The following TOM1 variants were observed in gnomAD, a reference collection of about 807,000 sequenced individuals.
The protein encoded by TOM1 is target of myb1 membrane trafficking protein.
A neutral mutation model predicts 61.3 loss-of-function variants in TOM1; 38 were observed. That is an observed-to-expected ratio of 0.62 (90% CI 0.48 to 0.81). The LOEUF is 0.81. Among genes scored for constraint, TOM1 ranks in the 40% least tolerant of loss-of-function variants. The probability of loss-of-function intolerance (pLI) is 0.00; values close to 1 mark genes in which losing one functional copy is unlikely to be tolerated. For missense variants in TOM1, 591 were observed against 659.6 expected, an observed-to-expected ratio of 0.90 and a Z score of 1.14; for synonymous variants, 270 against 268.8, an observed-to-expected ratio of 1.00 and a Z score of -0.04.
At chr22:35,317,230 CGTT>C (rs766089484) in intron 1 of TOM1, among the ~76,000 whole-genome samples, 14 of 152,134 alleles carry the variant, frequency 9.2e-5, no homozygotes, top group Middle Eastern at 3.2e-3. Flanking sequence ...GTTTCGCTCT[CGTT>C]GTCCAGGCTG....
At chr22:35,343,918 CCA>C (rs1183874016) in intron 12 of TOM1, among the ~76,000 whole-genome samples, 2 of 150,382 alleles carry the variant, frequency 1.3e-5, no homozygotes, top group African/African-American at 2.4e-5. Flanking sequence ...CCTACACACA[CCA>C]CACACATCTA....
At chr22:35,322,454 C>G in intron 3 of TOM1, 1 of 209,228 alleles carries the variant, frequency 4.8e-6, no homozygotes, top group Non-Finnish European at 9.6e-6. Context: ...GCCCACACCA[C>G]TGAACCAGCC....
Position 35,343,304 on chromosome 22 carries a change from A to AG in TOM1, c.1225-2421_1225-2420insG, listed in dbSNP as rs1930102833. The stretch of plus-strand genomic sequence containing the variant: ...CTACACACACAGCCCTACACACCAC[A>AG]CCTACACACCCATACACCTACACAC... On this transcript the variant is annotated intron_variant, in intron 12 of 14. Transcript: ENST00000449058. Among the ~76,000 whole-genome samples the AG allele has an allele frequency of 1.1e-4, 16 of 143,662 alleles. 1 individual carries two copies. The highest frequency in any genetic ancestry group is 3.7e-4 in the African/African-American group (14 of 37,938). 94.2% of individuals were successfully genotyped at this position (143,662 alleles called of 152,430 possible).
At position 35,338,734 on chromosome 22, in the gene TOM1, A is replaced by G. The variant is rs780345630; in HGVS notation, c.1170A>G (p.Gln390=). 1.5e-5 allele frequency: 24 copies of G among 1,597,424 alleles called. No individual in the cohort carries two copies. Among genetic ancestry groups the G allele is most frequent in the Non-Finnish European group, 1.9e-5 (22 of 1,172,870 alleles). Residue 390 remains glutamine (Q), a synonymous_variant, in exon 12 of 15, where the codon CAA becomes CAG. Transcript: ENST00000449058. ...TCAGGGTAAAATACGAAGCCCCCCA[A>G]GCAACAGACGGCCTGGCTGGAGCCC... The part of the protein sequence containing the change: ...QRKEVKYEAP[Q]ATDGLAGALD...
rs767589256 is a variant in TOM1, at chr22:35,333,480, C to T, written c.1010C>T (p.Ser337Phe). The part of the protein sequence containing the change: ...PDPAATGNLS[S>F]QLAGMNLGSS... ...CCAGCAGCCACCGGCAACCTCTCAT[C>T]CCAGCTGGCAGGAATGAGTAAGTGT... is the stretch of plus-strand genomic sequence containing the variant. Residue 337 changes from serine (S) to phenylalanine (F), a missense_variant, in exon 10 of 15, where the codon TCC becomes TTC. Ser to Phe is a radical substitution (Grantham distance 155). Coordinates refer to ENST00000449058, the MANE Select transcript of TOM1 (RefSeq NM_005488.3). The T allele has an allele frequency of 3.7e-6, 6 of 1,614,052 alleles. No individual in the cohort carries two copies. Among genetic ancestry groups the T allele is most frequent in the Non-Finnish European group, 5.1e-6 (6 of 1,180,010 alleles).
intron 10 of TOM1, 40 bp downstream of exon 10, chr22:35,333,537 T>C (rs1295621226): frequency 6.3e-7 from 1 of 1,585,744 alleles, no homozygotes; most frequent in South Asian, 1.1e-5. Context: ...GGGTACATTA[T>C]GGTACTGTGG....
chr22:35,301,658 C>G (rs1925803596), intron 1 of TOM1, among the ~76,000 whole-genome samples: 1 of 152,116 alleles, frequency 6.6e-6, no homozygotes, highest in Non-Finnish European at 1.5e-5. Flanking sequence ...CGACCCGGCT[C>G]TGTGTTGTAA....
At chr22:35,319,849 T>TC (rs927546355) in intron 2 of TOM1, among the ~76,000 whole-genome samples, 42 of 152,294 alleles carry the variant, frequency 2.8e-4, no homozygotes, top group African/African-American at 9.4e-4. Flanking sequence ...ACCATCCCTT[T>TC]CCCCACCGTG....
intron 1 of TOM1, among the ~76,000 whole-genome samples, chr22:35,308,504 G>A (rs185520044): frequency 1.3e-5 from 2 of 151,944 alleles, no homozygotes; most frequent in Non-Finnish European, 2.9e-5. Context: ...GGCTGGTCTT[G>A]AACTCCTGAC....
intron 12 of TOM1, chr22:35,345,401 A>C: frequency 2.3e-6 from 1 of 428,852 alleles, no homozygotes; most frequent in East Asian, 4.4e-5. Flanking sequence ...GCCCCAGGCC[A>C]TTGCCCAAAG....
At chr22:35,305,792 C>A (rs1382783991) in intron 1 of TOM1, among the ~76,000 whole-genome samples, 2 of 152,130 alleles carry the variant, frequency 1.3e-5, no homozygotes, top group Non-Finnish European at 2.9e-5. Flanking sequence ...CAGAGCCTTG[C>A]AAAGATGGAA....
At position 35,319,234 on chromosome 22, in the gene TOM1, G is replaced by GC. The variant is rs148345194; in HGVS notation, c.137+1278dup. Among the ~76,000 whole-genome samples, 1,394 of 152,324 alleles carry GC rather than the reference G, an allele frequency of 9.2e-3. 15 individuals are homozygous for GC. Among genetic ancestry groups the GC allele is most frequent in the African/African-American group, 0.032 (1,342 of 41,564 alleles). On this transcript the variant is annotated intron_variant, in intron 2 of 14. Coordinates refer to ENST00000449058, the MANE Select transcript of TOM1 (RefSeq NM_005488.3). ...ACTGCAGTATCCTTGGGGACAGCAA[G>GC]CCCCCATGTCCCTTATAAACATGGG... is the stretch of plus-strand genomic sequence containing the variant.
upstream of TOM1, chr22:35,299,787 G>A: frequency 1.1e-6 from 1 of 918,492 alleles, no homozygotes; most frequent in African/African-American, 1.7e-5. Context: ...GTCTCAGGGC[G>A]GGGCTTGTGG....
At chr22:35,321,801 T>C (rs766518538) in intron 2 of TOM1, 158 bp from the exon 3 acceptor site, 2 of 754,868 alleles carry the variant, frequency 2.6e-6, no homozygotes, top group Admixed American at 1.9e-5. Flanking sequence ...AGCAATGGGC[T>C]AGGAAGATTC....
intron 1 of TOM1, among the ~76,000 whole-genome samples, chr22:35,303,232 C>G (rs952982303): frequency 1.3e-5 from 2 of 152,090 alleles, no homozygotes; most frequent in Non-Finnish European, 2.9e-5. Context: ...CTTCAAAGTA[C>G]AGGGCATCAT....
chr22:35,338,678 G>T (rs915176292), intron 11 of TOM1, 35 bp from the exon 12 acceptor site: 2 of 1,510,656 alleles, frequency 1.3e-6, no homozygotes, highest in African/African-American at 2.8e-5. Context: ...CATCGGTAAG[G>T]GCAGCATCCA....
intron 2 of TOM1, chr22:35,321,720 A>G (rs1569026191): frequency 9.4e-6 from 6 of 639,298 alleles, no homozygotes; most frequent in Non-Finnish European, 1.8e-5. Flanking sequence ...TTTTAACAAA[A>G]CGCTCTCATC....
At chr22:35,325,923 G>A (rs183315547) in intron 6 of TOM1, among the ~76,000 whole-genome samples, 3 of 152,278 alleles carry the variant, frequency 2.0e-5, no homozygotes, top group Admixed American at 1.3e-4. Context: ...GATACATGGG[G>A]TTTGTGATCA....
chr22:35,301,296 A>G (rs1569014300), intron 1 of TOM1, among the ~76,000 whole-genome samples: 1 of 113,300 alleles, frequency 8.8e-6, no homozygotes, highest in Non-Finnish European at 2.2e-5. Context: ...ACAAACATAC[A>G]TATACATACA....
Sources: gnomAD v4.1 joint callset for allele counts (sites outside exome capture counted in the v4.1 genomes callset) on GRCh38, gnomAD v4.1.1 for gene constraint, MANE v1.5 for transcripts, NCBI Gene and HGNC (gene_info 2026-07-23, HGNC 2026-07-21) for gene names.